The following THEMIS variants were observed in gnomAD, a reference collection of about 807,000 sequenced individuals.
THEMIS encodes the protein protein THEMIS.
Under a neutral mutation model 52.6 loss-of-function variants are expected in THEMIS, and 37 were observed. The observed-to-expected ratio is 0.70, with a 90% confidence interval of 0.54 to 0.93. The LOEUF is 0.93. Ranked by LOEUF, THEMIS falls within the 40% of genes least tolerant of loss-of-function variation. The pLI is 0.00. For missense variants in THEMIS, 808 were observed against 763.1 expected (o/e 1.06, Z -0.69); for synonymous variants, 292 against 272.7 (o/e 1.07, Z -0.70).
chr6:127,915,647 C>T (rs1781509152), intron 1 of THEMIS, among the ~76,000 whole-genome samples: 1 of 150,160 alleles, frequency 6.7e-6, no homozygotes, highest in Non-Finnish European at 1.5e-5. Flanking sequence ...ACCTTTAATA[C>T]CAATTGTGCC....
At chr6:127,760,062 T>C (rs1184563547) in intron 4 of THEMIS, among the ~76,000 whole-genome samples, 1 of 151,328 alleles carries the variant, frequency 6.6e-6, no homozygotes, top group Admixed American at 6.6e-5. Context: ...TGATGTATAG[T>C]GTAAGCTAAG....
intron 1 of THEMIS, chr6:127,909,824 C>T (rs1781366674): frequency 6.6e-6 from 1 of 152,098 alleles, no homozygotes; most frequent in Non-Finnish European, 1.5e-5. Context: ...TTTTAAAAAC[C>T]TGAAGAACCT....
chr6:127,777,422 C>T (rs1030277501), intron 4 of THEMIS, among the ~76,000 whole-genome samples: 1 of 151,986 alleles, frequency 6.6e-6, no homozygotes, highest in Non-Finnish European at 1.5e-5. Flanking sequence ...CATAATAATA[C>T]CTGAGACATT....
chr6:127,720,838 T>C (rs1774337843), intron 4 of THEMIS, among the ~76,000 whole-genome samples: 1 of 152,020 alleles, frequency 6.6e-6, no homozygotes, highest in African/African-American at 2.4e-5. Context: ...CCTTACGATA[T>C]GAATCCTGAA....
chr6:127,701,291 A>G, the THEMIS span, among the ~76,000 whole-genome samples: 1 of 152,150 alleles, frequency 6.6e-6, no homozygotes, highest in Admixed American at 6.5e-5. Flanking sequence ...GATGATTCAT[A>G]CAGTAAATAC....
intron 1 of THEMIS, among the ~76,000 whole-genome samples, chr6:127,870,443 A>G (rs1219149076): frequency 6.6e-6 from 1 of 152,202 alleles, no homozygotes; most frequent in Non-Finnish European, 1.5e-5. Flanking sequence ...AAGAAACAAA[A>G]AACAGAGAAC....
At chr6:127,836,919 TG>T (rs371450925) in intron 2 of THEMIS, among the ~76,000 whole-genome samples, 1 of 152,080 alleles carries the variant, frequency 6.6e-6, no homozygotes, top group Non-Finnish European at 1.5e-5. Flanking sequence ...TTCAGAGCAC[TG>T]GGGGGTCTCG....
chr6:127,775,853 T>C (rs1298400247), intron 4 of THEMIS, among the ~76,000 whole-genome samples: 2 of 152,218 alleles, frequency 1.3e-5, no homozygotes, highest in Non-Finnish European at 2.9e-5. Flanking sequence ...ATTTGTCTTA[T>C]TGTCAAGCTG....
chr6:127,904,689 C>T (rs904921607), upstream of THEMIS, among the ~76,000 whole-genome samples: 1 of 151,984 alleles, frequency 6.6e-6, no homozygotes, highest in Non-Finnish European at 1.5e-5. Flanking sequence ...CAGAAACAAA[C>T]TCATGGGGTA....
At chr6:127,869,293 C>T (rs537244416) in intron 1 of THEMIS, among the ~76,000 whole-genome samples, 2 of 152,224 alleles carry the variant, frequency 1.3e-5, no homozygotes, top group East Asian at 3.9e-4. Context: ...CCTAAACTAC[C>T]TTAGACATGC....
At chr6:127,888,562 C>G (rs1284039891) in intron 1 of THEMIS, among the ~76,000 whole-genome samples, 1 of 151,906 alleles carries the variant, frequency 6.6e-6, no homozygotes, top group Non-Finnish European at 1.5e-5. Context: ...AACCATATTT[C>G]TCTCTGTTTG....
In THEMIS at chr6:127,710,003, A is replaced by G. The variant is rs1392983140; in HGVS notation, c.1908T>C (p.Asn636=). ...GATAIAETFK[N]EKHQK ...CATCTTGTTATTTTTGATGTTTTTCATTTTTGAATGTTTCTATAAATAAAA... is the reference window on the plus strand; with the variant it reads ...CATCTTGTTATTTTTGATGTTTTTCGTTTTTGAATGTTTCTATAAATAAAA... The change falls in exon 6 of 6, where the codon AAT becomes AAC. Residue 636 remains asparagine, a synonymous_variant. Coordinates refer to ENST00000368248, the MANE Select transcript of THEMIS (RefSeq NM_001010923.3). 6.3e-7 allele frequency: 1 copy of G among 1,584,322 alleles called. No homozygotes were observed. The highest frequency in any genetic ancestry group is 8.6e-7 in the Non-Finnish European group (1 of 1,165,452).
intron 4 of THEMIS, among the ~76,000 whole-genome samples, chr6:127,735,968 T>G (rs1340962510): frequency 6.6e-6 from 1 of 152,214 alleles, no homozygotes; most frequent in Non-Finnish European, 1.5e-5. Flanking sequence ...TCATCATAAG[T>G]AAATCCAGTC....
At chr6:127,750,836 T>G (rs1231234962) in intron 4 of THEMIS, among the ~76,000 whole-genome samples, 1 of 151,750 alleles carries the variant, frequency 6.6e-6, no homozygotes, top group Non-Finnish European at 1.5e-5. Flanking sequence ...ATATTCCAAG[T>G]GCTGAAAACA....
intron 2 of THEMIS, among the ~76,000 whole-genome samples, chr6:127,841,674 A>G (rs1262964266): frequency 6.6e-6 from 1 of 151,962 alleles, no homozygotes; most frequent in African/African-American, 2.4e-5. Flanking sequence ...TTATCCAAAG[A>G]CCAAGGATGC....
Position 127,718,997 on chromosome 6 carries a change from G to A in THEMIS, c.1894+691C>T, listed in dbSNP as rs533554213. 2.6e-4 allele frequency among the ~76,000 whole-genome samples: 40 copies of A among 151,978 alleles called. 1 individual carries two copies. The highest frequency in any genetic ancestry group is 1.2e-3 in the South Asian group (6 of 4,828). On this transcript the variant is annotated intron_variant, in intron 5 of 5. Coordinates refer to ENST00000368248, the MANE Select transcript of THEMIS (RefSeq NM_001010923.3). ...AATAAGGAGGAGAAAGGAGCAAACC[G>A]TATGCTTAAGAATAATTACAGTTTC...
chr6:127,719,259 A>G (rs910408694), intron 5 of THEMIS, among the ~76,000 whole-genome samples: 1 of 151,850 alleles, frequency 6.6e-6, no homozygotes, highest in African/African-American at 2.4e-5. Flanking sequence ...TCAGATCACA[A>G]TCTCTATAAA....
intron 1 of THEMIS, among the ~76,000 whole-genome samples, chr6:127,876,597 G>C (rs892056352): frequency 1.3e-5 from 2 of 152,182 alleles, no homozygotes; most frequent in African/African-American, 4.8e-5. Flanking sequence ...GTATTTTAAA[G>C]TTCCTTAGTA....
Position 127,717,201 on chromosome 6 carries a change from C to CA in THEMIS, c.1894+2486dup, listed in dbSNP as rs35976474. On this transcript the variant is annotated intron_variant, in intron 5 of 5. Transcript: ENST00000368248. ...TACCTATTTGATCTAATATAATCTT[C>CA]AAAAAAAAAAAGCACATGGTATAGC... Among the ~76,000 whole-genome samples, 211 of 145,790 alleles carry CA rather than the reference C, an allele frequency of 1.4e-3. 1 individual carries two copies. The highest frequency in any genetic ancestry group is 4.2e-3 in the African/African-American group (164 of 39,192).
Sources: allele counts gnomAD v4.1 joint callset (sites outside exome capture counted in the v4.1 genomes callset), GRCh38; gene constraint gnomAD v4.1.1; transcripts MANE v1.5; gene names NCBI Gene and HGNC (gene_info 2026-07-23, HGNC 2026-07-21).